The following DLGAP2 variants were observed in gnomAD, a reference collection of about 807,000 sequenced individuals.
The protein encoded by DLGAP2 is disks large-associated protein 2.
A neutral mutation model predicts 100.3 loss-of-function variants in DLGAP2; 26 were observed. The ratio of observed to expected loss-of-function variants is 0.26; its 90% CI spans 0.19 to 0.36. The LOEUF is 0.36. Ranked by LOEUF, DLGAP2 falls within the 10% of genes least tolerant of loss-of-function variation. DLGAP2 has a pLI of 1.00. For missense variants in DLGAP2, 1,858 were observed against 1,453.2 expected (o/e 1.28, Z -4.53); for synonymous variants, 886 against 630.1 (o/e 1.41, Z -6.08).
chr8:1,316,690 T>C (rs1204629033), intron 3 of DLGAP2, among the ~76,000 whole-genome samples: 1 of 140,314 alleles, frequency 7.1e-6, no homozygotes. Context: ...AAATACAGCG[T>C]GCGTGAGTGC....
chr8:1,389,008 G>A (rs1796284135), intron 3 of DLGAP2, among the ~76,000 whole-genome samples: 1 of 135,124 alleles, frequency 7.4e-6, no homozygotes, highest in Non-Finnish European at 1.6e-5. Context: ...GGCTGTGAGA[G>A]CAGAGGCCGT....
intron 2 of DLGAP2, among the ~76,000 whole-genome samples, chr8:1,158,803 GCA>G (rs1310779780): frequency 2.6e-5 from 4 of 152,164 alleles, no homozygotes; most frequent in East Asian, 1.9e-4. Flanking sequence ...ATCGACAACT[GCA>G]CAGTTTTTTT....
intron 3 of DLGAP2, among the ~76,000 whole-genome samples, 191 bp downstream of exon 3, chr8:1,259,074 C>T (rs984359538): frequency 6.6e-6 from 1 of 152,214 alleles, no homozygotes; most frequent in Non-Finnish European, 1.5e-5. Flanking sequence ...GACTCAGCAG[C>T]TCGTCTCTGA....
At chr8:1,516,476 T>A (rs111204958) in intron 4 of DLGAP2, among the ~76,000 whole-genome samples, 2 of 150,578 alleles carry the variant, frequency 1.3e-5, no homozygotes, top group African/African-American at 4.9e-5. Flanking sequence ...AGTGGGTGAC[T>A]GAGTGAAAGA....
chr8:1,460,634 G>A (rs1584926445), intron 3 of DLGAP2, among the ~76,000 whole-genome samples: 1 of 152,172 alleles, frequency 6.6e-6, no homozygotes, highest in East Asian at 1.9e-4. Flanking sequence ...TTTTTTGCAG[G>A]AAGACAGATA....
chr8:1,271,375 C>T (rs1052696594), intron 3 of DLGAP2, among the ~76,000 whole-genome samples: 2 of 152,156 alleles, frequency 1.3e-5, no homozygotes, highest in African/African-American at 4.8e-5. Context: ...ATGGCACACA[C>T]TGGGGACATA....
chr8:1,683,023 C>A (rs1011214685), intron 12 of DLGAP2, among the ~76,000 whole-genome samples: 1 of 151,276 alleles, frequency 6.6e-6, no homozygotes, highest in Admixed American at 6.6e-5. Flanking sequence ...TGATTACTTA[C>A]GACGAAGCAA....
chr8:1,512,202 A>G lies in DLGAP2; in HGVS notation c.172+10771A>G, dbSNP rs979261097. Among the ~76,000 whole-genome samples, 9 of 152,244 alleles carry G rather than the reference A, an allele frequency of 5.9e-5. No individual in the cohort carries two copies. The South Asian group carries it at 1.0e-3, about 17-fold the overall frequency. ...CTCACGTTGCAGAAAGCCTGTTGCT[A>G]GCAAACAGATGTCCATTGTAGAAGA... On this transcript the variant is annotated intron_variant, in intron 4 of 14. Coordinates refer to ENST00000637795, the MANE Select transcript of DLGAP2 (RefSeq NM_001346810.2).
At chr8:744,938 C>T (rs1298460317) in intron 1 of DLGAP2, among the ~76,000 whole-genome samples, 2 of 152,242 alleles carry the variant, frequency 1.3e-5, no homozygotes, top group Admixed American at 6.5e-5. Context: ...CCCAGTCTGT[C>T]CGCATGCTGT....
intron 2 of DLGAP2, among the ~76,000 whole-genome samples, chr8:1,008,908 A>G (rs373038886): frequency 6.6e-6 from 1 of 152,224 alleles, no homozygotes; most frequent in East Asian, 1.9e-4. Context: ...TGACACCCAG[A>G]TGCAACCCTG....
chr8:1,260,708 G>A (rs1055839197), intron 3 of DLGAP2, among the ~76,000 whole-genome samples: 3 of 152,292 alleles, frequency 2.0e-5, no homozygotes, highest in East Asian at 1.9e-4. Flanking sequence ...AAATCTCCCC[G>A]GAGTCCTGGC....
intron 2 of DLGAP2, among the ~76,000 whole-genome samples, chr8:1,237,619 G>GTCTCACATGGCGCCGTGTCTAGTTACC (rs1798692524): frequency 2.9e-5 from 2 of 69,756 alleles, no homozygotes; most frequent in African/African-American, 1.2e-4. Context: ...GTCTAGTTAC[G>GTCTCACATGGCGCCGTGTCTAGTTACC]TCTCACATGG....
intron 3 of DLGAP2, among the ~76,000 whole-genome samples, chr8:1,469,046 C>T (rs1798708664): frequency 6.6e-6 from 1 of 152,176 alleles, no homozygotes; most frequent in Non-Finnish European, 1.5e-5. Context: ...GCTGTCAACA[C>T]ATCCTTCTAG....
rs1436039852 is a variant in DLGAP2 at position 1,154,824 on chromosome 8, C to T, written c.74-104027C>T. On this transcript the variant is annotated intron_variant, in intron 2 of 14. Coordinates refer to ENST00000637795, the MANE Select transcript of DLGAP2 (RefSeq NM_001346810.2). ...TAAGACTGTGGGCCTGACAAAGGCC[C>T]GGGGTGCCTTGGAGTTAGGATTTCA... is the stretch of plus-strand genomic sequence containing the variant. 2.6e-5 allele frequency among the ~76,000 whole-genome samples: 4 copies of T among 152,168 alleles called. No homozygotes were observed. In the South Asian group the frequency reaches 8.3e-4, roughly 32 times the overall value.
intron 2 of DLGAP2, among the ~76,000 whole-genome samples, chr8:1,160,824 C>G (rs1796875293): frequency 6.6e-6 from 1 of 152,200 alleles, no homozygotes; most frequent in South Asian, 2.1e-4. Flanking sequence ...CCTCGAAGAC[C>G]AGCACGCGAT....
At chr8:1,578,813 C>G (rs938176429) in intron 6 of DLGAP2, among the ~76,000 whole-genome samples, 1 of 152,230 alleles carries the variant, frequency 6.6e-6, no homozygotes, top group Non-Finnish European at 1.5e-5. Context: ...TCCCACCTGT[C>G]TCATGCCCTG....
intron 2 of DLGAP2, among the ~76,000 whole-genome samples, chr8:1,048,539 A>T (rs1257118756): frequency 6.6e-6 from 1 of 151,622 alleles, no homozygotes; most frequent in Non-Finnish European, 1.5e-5. Flanking sequence ...GTGCAAGACA[A>T]TGTCCCGTCT....
chr8:1,408,280 G>C (rs1270600898), intron 3 of DLGAP2, among the ~76,000 whole-genome samples: 1 of 152,214 alleles, frequency 6.6e-6, no homozygotes, highest in Non-Finnish European at 1.5e-5. Context: ...TTCCCCTCTT[G>C]CTGATGATCT....
intron 1 of DLGAP2, among the ~76,000 whole-genome samples, chr8:849,101 T>C (rs935491985): frequency 1.1e-4 from 17 of 151,476 alleles, no homozygotes; most frequent in African/African-American, 3.6e-4. Flanking sequence ...TGTTCCAGTA[T>C]AGGAATGTGC....
Sources: gnomAD v4.1 joint callset for allele counts (sites outside exome capture counted in the v4.1 genomes callset) on GRCh38, gnomAD v4.1.1 for gene constraint, MANE v1.5 for transcripts, NCBI Gene and HGNC (gene_info 2026-07-23, HGNC 2026-07-21) for gene names.